Variants in ALK observed in about 807,000 individuals in gnomAD.
ALK encodes ALK tyrosine kinase receptor.
A neutral mutation model predicts 163.1 loss-of-function variants in ALK; 74 were observed. The observed-to-expected ratio is 0.45, with a 90% CI of 0.38 to 0.55. ALK has a LOEUF of 0.55. Ranked by LOEUF, ALK falls within the 20% of genes least tolerant of loss-of-function variation. The pLI is 0.00. For synonymous variants in ALK, 960 were observed against 843.2 expected (o/e 1.14, Z -2.40); for missense variants, 2,063 against 2,105.3 (o/e 0.98, Z 0.39).
At chr2:29,517,393 G>A (rs1573421253) in intron 4 of ALK, among the ~76,000 whole-genome samples, 2 of 151,928 alleles carry the variant, frequency 1.3e-5, no homozygotes, top group South Asian at 2.1e-4. Flanking sequence ...TAAAATAGAC[G>A]GAATAGATTC....
At chr2:29,616,790 C>T (rs534910970) in intron 3 of ALK, among the ~76,000 whole-genome samples, 2 of 152,150 alleles carry the variant, frequency 1.3e-5, no homozygotes, top group Non-Finnish European at 1.5e-5. Context: ...GCCCTTAAGC[C>T]AGTTCCAGCA....
intron 1 of ALK, among the ~76,000 whole-genome samples, chr2:29,852,908 C>T (rs569507398): frequency 4.0e-5 from 6 of 151,782 alleles, no homozygotes; most frequent in African/African-American, 1.2e-4. Context: ...AGAAGACAGC[C>T]ATCTGCTAAG....
At chr2:29,915,970 G>A (rs1182573674) in intron 1 of ALK, among the ~76,000 whole-genome samples, 5 of 152,206 alleles carry the variant, frequency 3.3e-5, no homozygotes, top group Non-Finnish European at 7.3e-5. Context: ...CTTCAAAGAT[G>A]TATATGCAAT....
At chr2:29,368,621 A>G (rs1668568791) in intron 5 of ALK, among the ~76,000 whole-genome samples, 1 of 152,200 alleles carries the variant, frequency 6.6e-6, no homozygotes, top group Non-Finnish European at 1.5e-5. Context: ...CAGGTAGGGA[A>G]ATTTCACTTT....
At chr2:29,682,794 A>T (rs2148280216) in intron 3 of ALK, among the ~76,000 whole-genome samples, 1 of 152,312 alleles carries the variant, frequency 6.6e-6, no homozygotes, top group Admixed American at 6.5e-5. Flanking sequence ...AGAATAATTC[A>T]CCATTCTTAG....
intron 3 of ALK, among the ~76,000 whole-genome samples, chr2:29,588,910 T>C (rs980983494): frequency 2.6e-5 from 4 of 152,240 alleles, no homozygotes; most frequent in African/African-American, 9.6e-5. Flanking sequence ...AGCTGCCTTG[T>C]GCTGTTTCAG....
At chr2:29,307,841 T>C (rs1380124782) in intron 8 of ALK, among the ~76,000 whole-genome samples, 1 of 152,226 alleles carries the variant, frequency 6.6e-6, no homozygotes, top group Admixed American at 6.5e-5. Context: ...TAAGAAATGC[T>C]GGATTCCTGG....
intron 8 of ALK, 105 bp downstream of exon 8, chr2:29,318,199 G>A: frequency 1.1e-6 from 1 of 913,160 alleles, no homozygotes; most frequent in Non-Finnish European, 1.8e-6. Flanking sequence ...CTCTCCCCAG[G>A]AGAACGACCA....
intron 1 of ALK, among the ~76,000 whole-genome samples, chr2:29,916,333 G>T (rs1248127434): frequency 6.6e-6 from 1 of 152,358 alleles, no homozygotes; most frequent in Middle Eastern, 3.4e-3. Flanking sequence ...TCTCTTCAGA[G>T]ATTTGTAGAT....
chr2:29,443,584 C>T (rs1276581210), intron 4 of ALK, among the ~76,000 whole-genome samples: 1 of 152,212 alleles, frequency 6.6e-6, no homozygotes, highest in Non-Finnish European at 1.5e-5. Context: ...GGCTTTGCTT[C>T]TTGCTCCCAA....
At chr2:29,793,296 C>T (rs1265003311) in intron 1 of ALK, among the ~76,000 whole-genome samples, 1 of 152,128 alleles carries the variant, frequency 6.6e-6, no homozygotes, top group Non-Finnish European at 1.5e-5. Context: ...AGTTCTCTTG[C>T]TATTTCCATC....
chr2:29,579,285 T>G (rs1257269325), intron 3 of ALK, among the ~76,000 whole-genome samples: 1 of 152,226 alleles, frequency 6.6e-6, no homozygotes, highest in African/African-American at 2.4e-5. Context: ...GCTTTAGCGT[T>G]CCAGGCTCTT....
At chr2:29,658,877 C>T (rs1282520174) in intron 3 of ALK, among the ~76,000 whole-genome samples, 1 of 152,166 alleles carries the variant, frequency 6.6e-6, no homozygotes, top group East Asian at 1.9e-4. Context: ...TTAATTCCCT[C>T]TTTGAGCCAG....
At position 29,920,013 on chromosome 2, in the gene ALK, A is replaced by C; in HGVS notation, c.647T>G (p.Leu216Arg). ...CTCACCAGTCCCGAAGATCTGGAAG[A>C]GAAGGCGGGGCTGGGAGGCGCGAAT... Reference protein sequence around the residue: ...AAIRASQPRLLFQIFGTGHSS... With the variant: ...AAIRASQPRLRFQIFGTGHSS... The change falls in exon 1 of 29, where the codon CTC (leucine) becomes CGC (arginine). Residue 216 changes from leucine (L) to arginine (R), a missense_variant. This residue lies in a region of ALK where 987 missense variants were observed against 939.5 expected (regional missense o/e 1.05). Coordinates refer to ENST00000389048, the MANE Select transcript of ALK (RefSeq NM_004304.5). 1 of 1,614,032 alleles carries C rather than the reference A, an allele frequency of 6.2e-7. No individual in the cohort carries two copies. Among genetic ancestry groups the C allele is most frequent in the Non-Finnish European group, 8.5e-7 (1 of 1,179,970 alleles).
intron 1 of ALK, among the ~76,000 whole-genome samples, chr2:29,855,484 G>A (rs73922315): frequency 0.014 from 2,128 of 152,222 alleles, 43 homozygotes; most frequent in African/African-American, 0.042. Flanking sequence ...CTGGGGATAT[G>A]AAAATGTAAA....
intron 3 of ALK, among the ~76,000 whole-genome samples, chr2:29,678,099 GT>G (rs1677940305): frequency 6.6e-6 from 1 of 152,010 alleles, no homozygotes; most frequent in African/African-American, 2.4e-5. Context: ...GCAAAAGGAT[GT>G]TTAGTTTCCC....
rs555811855 is a variant in ALK, at chr2:29,584,592, C to A, written c.953-52476G>T. Reference sequence around the variant, plus strand: ...TGCCCTTCACTTCTTCCTCCCTCATCATCGGCAGTCTCACACTCACAGGAA... The same window carrying A: ...TGCCCTTCACTTCTTCCTCCCTCATAATCGGCAGTCTCACACTCACAGGAA... On this transcript the variant is annotated intron_variant, in intron 3 of 28. Transcript: ENST00000389048. Among the ~76,000 whole-genome samples, 6 of 152,328 alleles carry A rather than the reference C, an allele frequency of 3.9e-5. No individual in the cohort carries two copies. The South Asian group carries it at 1.2e-3, about 32-fold the overall frequency.
At chr2:29,494,054 G>A (rs955123524) in intron 4 of ALK, among the ~76,000 whole-genome samples, 4 of 152,176 alleles carry the variant, frequency 2.6e-5, no homozygotes, top group Admixed American at 2.6e-4. Flanking sequence ...CCTGTCTAAG[G>A]GTCCTCCTAT....
At chr2:29,349,221 G>T (rs1668040979) in intron 5 of ALK, among the ~76,000 whole-genome samples, 1 of 152,144 alleles carries the variant, frequency 6.6e-6, no homozygotes, top group South Asian at 2.1e-4. Flanking sequence ...GGCTCACTGG[G>T]TCCTAATTAC....
Sources: allele counts gnomAD v4.1 joint callset (sites outside exome capture counted in the v4.1 genomes callset), GRCh38; gene constraint gnomAD v4.1.1; regional missense constraint gnomAD v4.1.1; transcripts MANE v1.5; gene names NCBI Gene and HGNC (gene_info 2026-07-23, HGNC 2026-07-21).